Variants in IPO5 observed in about 807,000 individuals in gnomAD.
IPO5 encodes the protein importin 5.
In IPO5, 18 loss-of-function variants were observed where a neutral mutation model predicts 143.3. The observed-to-expected ratio is 0.13, with a 90% CI of 0.09 to 0.19. The LOEUF is 0.19. IPO5 is among the 10% of genes least tolerant of loss of function. The pLI, the probability that IPO5 is intolerant of heterozygous loss-of-function variation, is 1.00. For synonymous variants in IPO5, 477 were observed against 465.7 expected (o/e 1.02, Z -0.31); for missense variants, 1,013 against 1,336.9 (o/e 0.76, Z 3.78).
intron 17 of IPO5, 128 bp downstream of exon 17, chr13:98,006,476 G>A: frequency 3.5e-6 from 2 of 575,234 alleles, no homozygotes; most frequent in East Asian, 6.5e-5. Flanking sequence ...CCAGGTTCAT[G>A]CCATTCTCCT....
At chr13:97,987,579 G>A (rs2139674956) in intron 6 of IPO5, among the ~76,000 whole-genome samples, 1 of 152,246 alleles carries the variant, frequency 6.6e-6, no homozygotes, top group African/African-American at 2.4e-5. Flanking sequence ...GAGTACAGTG[G>A]TGTGATCATG....
intron 13 of IPO5, 134 bp from the exon 14 acceptor site, chr13:98,002,333 T>C (rs1227863588): frequency 1.4e-6 from 1 of 735,010 alleles, no homozygotes; most frequent in Non-Finnish European, 2.1e-6. Context: ...TGTTTTTATA[T>C]TATATATACA....
intron 4 of IPO5, 172 bp downstream of exon 4, chr13:97,976,958 C>T (rs1374454078): frequency 1.8e-4 from 30 of 168,690 alleles, no homozygotes; most frequent in Non-Finnish European, 1.7e-4. Context: ...GTCGTGCCCC[C>T]GGGCTTTTCC....
Position 98,015,668 on chromosome 13 carries a change from A to AAT in IPO5, c.2437+31_2437+32dup, listed in dbSNP as rs566545605. The AAT allele has an allele frequency of 6.5e-5, 103 of 1,581,362 alleles. No individual in the cohort carries two copies. In the Admixed American group the frequency reaches 1.1e-3, roughly 17 times the overall value. ...TAAGTTTTCCATGCTTTTATTTCTG[A>AAT]ATATAATCCTTGACCATCTTGGCAA... On this transcript the variant is annotated intron_variant, in intron 23 of 28. Transcript: ENST00000651721.
chr13:97,983,809 A>T lies in IPO5; in HGVS notation c.171+1226A>T, dbSNP rs571005454. Among the ~76,000 whole-genome samples, 8 of 152,012 alleles carry T rather than the reference A, an allele frequency of 5.3e-5. No individual in the cohort carries two copies. In the South Asian group the frequency reaches 1.7e-3, roughly 31 times the overall value. ...TTCCAGTCAGTCAGTTTAGACTAGC[A>T]ACTTCATGTTCTCTCAACCACTTTA... On this transcript the variant is annotated intron_variant, in intron 5 of 28. Transcript: ENST00000651721.
intron 13 of IPO5, 37 bp downstream of exon 13, chr13:98,000,682 T>A (rs780111879): frequency 8.0e-6 from 11 of 1,380,640 alleles, no homozygotes; most frequent in Admixed American, 1.7e-5. Flanking sequence ...AGAGTGAAGT[T>A]GTGCCCTTTC....
intron 7 of IPO5, 102 bp downstream of exon 7, chr13:97,989,266 GATA>G (rs1415380813): frequency 1.9e-5 from 11 of 591,356 alleles, no homozygotes; most frequent in Middle Eastern, 5.9e-4. Flanking sequence ...TACTTAAAAT[GATA>G]ATAATGCCTT....
chr13:97,976,617 G>C (rs911938688), intron 3 of IPO5, 76 bp from the exon 4 acceptor site: 6 of 428,960 alleles, frequency 1.4e-5, no homozygotes, highest in Admixed American at 8.7e-5. Flanking sequence ...CGCTGGGCCC[G>C]CCCCCGCCCC....
At chr13:97,965,191 G>C (rs573002476) in intron 2 of IPO5, among the ~76,000 whole-genome samples, 59 of 152,218 alleles carry the variant, frequency 3.9e-4, no homozygotes, top group African/African-American at 1.3e-3. Context: ...GGCCTGTCGG[G>C]GGGTGGGGGA....
At chr13:97,980,179 G>A (rs985244881) in intron 4 of IPO5, among the ~76,000 whole-genome samples, 5 of 152,258 alleles carry the variant, frequency 3.3e-5, no homozygotes, top group Middle Eastern at 3.4e-3. Flanking sequence ...AATATGCTAC[G>A]TACTTAGATA....
chr13:97,964,109 A>G (rs931274988), intron 2 of IPO5, among the ~76,000 whole-genome samples: 2 of 152,030 alleles, frequency 1.3e-5, no homozygotes, highest in African/African-American at 4.8e-5. Context: ...TGTCAGATGG[A>G]TAGATTGCAA....
At chr13:97,980,910 T>A (rs1027871960) in intron 4 of IPO5, among the ~76,000 whole-genome samples, 10 of 151,656 alleles carry the variant, frequency 6.6e-5, no homozygotes, top group African/African-American at 2.4e-4. Flanking sequence ...ACATTACCAG[T>A]GTTTAAGTGG....
At chr13:97,983,444 T>A (rs1718555979) in intron 5 of IPO5, among the ~76,000 whole-genome samples, 1 of 152,062 alleles carries the variant, frequency 6.6e-6, no homozygotes, top group South Asian at 2.1e-4. Context: ...TGTTTTAATT[T>A]TAAGAATTAC....
chr13:97,967,114 C>T (rs1436367235), intron 2 of IPO5, among the ~76,000 whole-genome samples: 2 of 152,142 alleles, frequency 1.3e-5, no homozygotes, highest in Non-Finnish European at 2.9e-5. Context: ...TCTATTTCTT[C>T]GTGAATCACT....
In IPO5 at chr13:97,976,777, A is replaced by G; in HGVS notation, c.81A>G (p.Lys27=). The G allele has an allele frequency of 2.9e-6, 4 of 1,390,280 alleles. No individual in the cohort carries two copies. Among genetic ancestry groups the G allele is most frequent in the Non-Finnish European group, 3.8e-6 (4 of 1,042,474 alleles). The allele number at this position is 1,390,280 out of a possible 1,614,324, so 86.1% of individuals were successfully genotyped here. A position where few individuals can be genotyped will look rare whatever the true frequency, so the allele number is the denominator to read the frequency against. ...NLLSPDNVVR[K]QAEETYENIP... ...TCAGCCCCGACAATGTGGTCCGGAA[A>G]CAGGCAGAGGTAACCGAGTTCGCCG... The change falls in exon 4 of 29, where the codon AAA becomes AAG. Residue 27 remains lysine, a synonymous_variant. Coordinates refer to ENST00000651721, the MANE Select transcript of IPO5 (RefSeq NM_002271.6).
chr13:98,018,463 TAA>T lies in IPO5; in HGVS notation c.2617-19_2617-18del, dbSNP rs1566573412. ...TTTGTGTACACCAGTATTTGAAGCT[TAA>T]AAGAGAATTTCTTTTGTAGTGTCCA... On this transcript the variant is annotated intron_variant, in intron 25 of 28. Coordinates refer to ENST00000651721, the MANE Select transcript of IPO5 (RefSeq NM_002271.6). 1 of 1,553,012 alleles carries T rather than the reference TAA, an allele frequency of 6.4e-7. No individual in the cohort carries two copies. Among genetic ancestry groups the T allele is most frequent in the East Asian group, 2.2e-5 (1 of 44,564 alleles).
At chr13:97,971,157 C>T (rs1885796916) in intron 3 of IPO5, among the ~76,000 whole-genome samples, 1 of 152,212 alleles carries the variant, frequency 6.6e-6, no homozygotes. Context: ...GTCCCTCCAT[C>T]TGCAGATATC....
intron 5 of IPO5, among the ~76,000 whole-genome samples, chr13:97,984,656 T>C (rs1351132889): frequency 6.6e-6 from 1 of 152,226 alleles, no homozygotes; most frequent in Admixed American, 6.5e-5. Flanking sequence ...GCCAATTTTA[T>C]TTGTATAGCT....
chr13:98,022,011 C>A lies in IPO5; in HGVS notation c.*189C>A. 2.4e-6 allele frequency: 1 copy of A among 408,518 alleles called. No individual in the cohort carries two copies. The highest frequency in any genetic ancestry group is 3.4e-5 in the East Asian group (1 of 29,714). 25.3% of individuals were successfully genotyped at this position (408,518 alleles called of 1,614,324 possible). A position where few individuals can be genotyped will look rare whatever the true frequency, so the allele number is the denominator to read the frequency against. On this transcript the variant is annotated 3_prime_UTR_variant, in exon 29 of 29. Transcript: ENST00000651721. ...GGAGTTTCCATGGATTTCTACCAGA[C>A]CACTGAAGGAGTTCCTGGAAGCCCT...
Sources: gnomAD v4.1 joint callset for allele counts (sites outside exome capture counted in the v4.1 genomes callset) on GRCh38, gnomAD v4.1.1 for gene constraint, MANE v1.5 for transcripts, NCBI Gene and HGNC (gene_info 2026-07-23, HGNC 2026-07-21) for gene names.